The following TREM2 variants were observed in gnomAD, a reference collection of about 807,000 sequenced individuals.
TREM2 encodes triggering receptor expressed on myeloid cells 2, also known as triggering receptor expressed on monocytes 2.
A neutral mutation model predicts 22.9 loss-of-function variants in TREM2; 20 were observed. The observed-to-expected ratio is 0.87, with a 90% CI of 0.61 to 1.27. TREM2 has a LOEUF of 1.27. Ranked by LOEUF, TREM2 falls within the 50% of genes most tolerant of loss-of-function variation. The probability of loss-of-function intolerance (pLI) is 0.00; values close to 1 mark genes in which losing one functional copy is unlikely to be tolerated. For missense variants in TREM2, 267 were observed against 289.0 expected, an observed-to-expected ratio of 0.92 and a Z score of 0.55; for synonymous variants, 111 against 120.9, an observed-to-expected ratio of 0.92 and a Z score of 0.54.
Position 41,159,886 on chromosome 6 carries a change from TG to T in TREM2, c.392-5del, listed in dbSNP as rs2113878329. On this transcript the variant is annotated splice_region_variant and splice_polypyrimidine_tract_variant and intron_variant, in intron 2 of 4. Coordinates refer to ENST00000373113, the MANE Select transcript of TREM2 (RefSeq NM_018965.4). ...GCATCCCGGTGATCCAGGGGGTCTA[TG>T]GGAGGCAGAGCCATGAGCCTCCAGC... The T allele has an allele frequency of 6.2e-7, 1 of 1,613,456 alleles. No homozygotes were observed. Among genetic ancestry groups the T allele is most frequent in the East Asian group, 2.2e-5 (1 of 44,864 alleles).
rs779888024 is a variant in TREM2, at chr6:41,161,331, T to C, written c.323A>G (p.Tyr108Cys). The change falls in exon 2 of 5, where the codon TAC becomes TGC. Residue 108 changes from tyrosine (Y) to cysteine (C), a missense_variant. Tyr to Cys is a radical substitution (Grantham distance 194). Transcript: ENST00000373113. ...ACTGCCATGGAGGCTCTGGCACTGG[T>C]AGAGACCCGCATCATGGGGTTGTAG... The part of the protein sequence containing the change: ...RNLQPHDAGL[Y>C]QCQSLHGSEA... 1 of 1,614,170 alleles carries C rather than the reference T, an allele frequency of 6.2e-7. No homozygotes were observed. The highest frequency in any genetic ancestry group is 8.5e-7 in the Non-Finnish European group (1 of 1,180,016).
intron 1 of TREM2, among the ~76,000 whole-genome samples, chr6:41,162,141 G>A (rs1390034614): frequency 2.0e-5 from 3 of 152,224 alleles, no homozygotes; most frequent in East Asian, 1.9e-4. Flanking sequence ...TCCTTAGGGC[G>A]GGGGAGATGG....
chr6:41,160,327 G>A (rs1183126563), intron 2 of TREM2, among the ~76,000 whole-genome samples: 1 of 152,144 alleles, frequency 6.6e-6, no homozygotes, highest in East Asian at 1.9e-4. Context: ...AAGTGGTGGA[G>A]GTGGGGTTTG....
rs749732493 is a variant in TREM2, at chr6:41,158,690, C to T, written c.*74G>A. 1.9e-6 allele frequency: 3 copies of T among 1,613,988 alleles called. No individual in the cohort carries two copies. The highest frequency in any genetic ancestry group is 2.5e-6 in the Non-Finnish European group (3 of 1,179,942). ...AGAGCAGAACAAGGAGTCCTGGTGG[C>T]CAAGTGGCAAGTATGCAGGCTGGGC... On this transcript the variant is annotated 3_prime_UTR_variant, in exon 5 of 5. Coordinates refer to ENST00000373113, the MANE Select transcript of TREM2 (RefSeq NM_018965.4).
intron 1 of TREM2, among the ~76,000 whole-genome samples, chr6:41,162,811 CT>C (rs1457549550): frequency 1.3e-5 from 2 of 152,166 alleles, no homozygotes; most frequent in Admixed American, 6.5e-5. Context: ...CCACCAGCCC[CT>C]TACATGTCCA....
Position 41,158,587 on chromosome 6 carries a change from C to T in TREM2, c.*177G>A. ...ATTCAGAAGTTGTCAGGTGTTCTTACCACCTCCCCACTCCCTCAACCAGTC... is the reference window on the plus strand; with the variant it reads ...ATTCAGAAGTTGTCAGGTGTTCTTATCACCTCCCCACTCCCTCAACCAGTC... On this transcript the variant is annotated 3_prime_UTR_variant, in exon 5 of 5. Coordinates refer to ENST00000373113, the MANE Select transcript of TREM2 (RefSeq NM_018965.4). The T allele has an allele frequency of 6.4e-7, 1 of 1,553,178 alleles. No homozygotes were observed. The highest frequency in any genetic ancestry group is 8.7e-7 in the Non-Finnish European group (1 of 1,146,850).
intron 3 of TREM2, 138 bp from the exon 4 acceptor site, chr6:41,159,204 T>G: frequency 9.6e-7 from 1 of 1,046,722 alleles, no homozygotes; most frequent in Non-Finnish European, 1.4e-6. Context: ...ATGGGCCTTT[T>G]TGGAGCTTTG....
In TREM2 at chr6:41,161,590, T is replaced by A. The variant is rs776578102; in HGVS notation, c.64A>T (p.Thr22Ser). Reference protein sequence around the residue: ...VTELSGAHNTTVFQGVAGQSL... With the variant: ...VTELSGAHNTSVFQGVAGQSL... ...TGGCCCGCCACGCCCTGGAACACTGTGGTGTTGTGGGCTCCGGACAGCTCT... is the reference window on the plus strand; with the variant it reads ...TGGCCCGCCACGCCCTGGAACACTGAGGTGTTGTGGGCTCCGGACAGCTCT... Residue 22 changes from threonine to serine, a missense_variant, in exon 2 of 5, where the codon ACA becomes TCA. Transcript: ENST00000373113. 4 of 1,613,748 alleles carry A rather than the reference T, an allele frequency of 2.5e-6. No individual in the cohort carries two copies. Among genetic ancestry groups the A allele is most frequent in the Non-Finnish European group, 2.5e-6 (3 of 1,179,906 alleles).
intron 2 of TREM2, 46 bp from the exon 3 acceptor site, chr6:41,159,928 G>T (rs985980430): frequency 1.3e-6 from 2 of 1,559,630 alleles, no homozygotes; most frequent in African/African-American, 1.4e-5. Context: ...CCTCCTCGAG[G>T]CAGGGGGAGA....
At chr6:41,162,575 G>T (rs1765595599) in intron 1 of TREM2, among the ~76,000 whole-genome samples, 1 of 152,190 alleles carries the variant, frequency 6.6e-6, no homozygotes, top group Non-Finnish European at 1.5e-5. Flanking sequence ...CTCCCATCAA[G>T]AGCTGAGGAC....
Position 41,163,028 on chromosome 6 carries a change from C to T in TREM2, c.40+15G>A, listed in dbSNP as rs763760537. On this transcript the variant is annotated intron_variant, in intron 1 of 4. Coordinates refer to ENST00000373113, the MANE Select transcript of TREM2 (RefSeq NM_018965.4). ...GAGGGAGAGAAGGCATCACAGGGCA[C>T]GGAGGGGATCCTACCTGTGACAAAG... 3.7e-5 allele frequency: 60 copies of T among 1,613,974 alleles called. No individual in the cohort carries two copies. Among genetic ancestry groups the T allele is most frequent in the Admixed American group, 1.7e-4 (10 of 60,000 alleles).
chr6:41,162,476 C>T (rs182013108), intron 1 of TREM2, among the ~76,000 whole-genome samples: 121 of 152,292 alleles, frequency 7.9e-4, no homozygotes, highest in African/African-American at 2.7e-3. Flanking sequence ...AAAAGGTGCG[C>T]TTTCCTCAGC....
At position 41,161,162 on chromosome 6, in the gene TREM2, C is replaced by G. The variant is rs1362483386; in HGVS notation, c.391+101G>C. 13 of 1,091,166 alleles carry G rather than the reference C, an allele frequency of 1.2e-5. No individual in the cohort carries two copies. The East Asian group carries it at 3.3e-4, about 28-fold the overall frequency. 67.6% of individuals were successfully genotyped at this position (1,091,166 alleles called of 1,614,324 possible). ...AGATGAGACCATACGATGGGTTTTC[C>G]CAGGATCCCTGAGAGCCCAGTGGGT... On this transcript the variant is annotated intron_variant, in intron 2 of 4. Coordinates refer to ENST00000373113, the MANE Select transcript of TREM2 (RefSeq NM_018965.4).
intron 3 of TREM2, 54 bp from the exon 4 acceptor site, chr6:41,159,120 T>A: frequency 6.4e-7 from 1 of 1,568,828 alleles, no homozygotes; most frequent in Non-Finnish European, 8.7e-7. Flanking sequence ...CAGATTAGAA[T>A]CTTCTCTCAG....
In TREM2 at chr6:41,158,539, T is replaced by G; in HGVS notation, c.*225A>C. 6.8e-7 allele frequency: 1 copy of G among 1,463,220 alleles called. No homozygotes were observed. Among genetic ancestry groups the G allele is most frequent in the South Asian group, 1.3e-5 (1 of 78,188 alleles). 90.6% of individuals were successfully genotyped at this position (1,463,220 alleles called of 1,614,324 possible). ...TAAATATGACAGTCTTGGATTTATTTGTAAGTGTTTAAAATGTCCAATATT... is the reference window on the plus strand; with the variant it reads ...TAAATATGACAGTCTTGGATTTATTGGTAAGTGTTTAAAATGTCCAATATT... On this transcript the variant is annotated 3_prime_UTR_variant, in exon 5 of 5. Transcript: ENST00000373113.
At chr6:41,162,242 A>G (rs1219584799) in intron 1 of TREM2, among the ~76,000 whole-genome samples, 1 of 152,068 alleles carries the variant, frequency 6.6e-6, no homozygotes, top group Non-Finnish European at 1.5e-5. Flanking sequence ...ATCTTCAACC[A>G]TTACTGTGAC....
chr6:41,162,941 GC>G lies in TREM2; in HGVS notation c.40+101del, dbSNP rs1434999027. On this transcript the variant is annotated intron_variant, in intron 1 of 4. Coordinates refer to ENST00000373113, the MANE Select transcript of TREM2 (RefSeq NM_018965.4). Reference sequence around the variant, plus strand: ...CAGGGCACTCAGGCATGCGAGGACTGCCACCGCCTTCATAATTCACCCCAGG... The same window carrying G: ...CAGGGCACTCAGGCATGCGAGGACTGCACCGCCTTCATAATTCACCCCAGG... 1.2e-5 allele frequency: 18 copies of G among 1,511,360 alleles called. No homozygotes were observed. The African/African-American group carries it at 2.5e-4, about 21-fold the overall frequency. The allele number at this position is 1,511,360 out of a possible 1,614,324, so 93.6% of individuals were successfully genotyped here.
chr6:41,163,101 AG>A lies in TREM2; in HGVS notation c.-20del. ...GCTCCATGCCACCCTTCCCCAGCCA[AG>A]GGCAGAAGCAGAGTGCCTTGTGCAA... On this transcript the variant is annotated 5_prime_UTR_variant, in exon 1 of 5. Coordinates refer to ENST00000373113, the MANE Select transcript of TREM2 (RefSeq NM_018965.4). 2 of 1,613,988 alleles carry A rather than the reference AG, an allele frequency of 1.2e-6. No homozygotes were observed. Among genetic ancestry groups the A allele is most frequent in the South Asian group, 2.2e-5 (2 of 91,046 alleles).
At chr6:41,160,666 G>A (rs1407792433) in intron 2 of TREM2, among the ~76,000 whole-genome samples, 9 of 151,970 alleles carry the variant, frequency 5.9e-5, no homozygotes, top group African/African-American at 9.7e-5. Flanking sequence ...TGCCCCCAAC[G>A]CCCCCCGCCA....
Sources: allele counts gnomAD v4.1 joint callset (sites outside exome capture counted in the v4.1 genomes callset), GRCh38; gene constraint gnomAD v4.1.1; transcripts MANE v1.5; gene names NCBI Gene and HGNC (gene_info 2026-07-23, HGNC 2026-07-21).